Variants in CSMD1 observed in about 807,000 individuals in gnomAD.
The protein encoded by CSMD1 is CUB and sushi domain-containing protein 1.
A neutral mutation model predicts 417.5 loss-of-function variants in CSMD1; 213 were observed. That is an observed-to-expected ratio of 0.51 (90% confidence interval 0.46 to 0.57). CSMD1 has a LOEUF of 0.57. Ranked by LOEUF, CSMD1 falls within the 20% of genes least tolerant of loss-of-function variation. CSMD1 has a pLI of 0.00. For missense variants in CSMD1, 6,923 were observed against 4,529.7 expected (o/e 1.53, Z -15.17); for synonymous variants, 2,862 against 1,736.8 (o/e 1.65, Z -16.11).
At chr8:3,927,227 C>T (rs1563219716) in intron 5 of CSMD1, among the ~76,000 whole-genome samples, 1 of 151,884 alleles carries the variant, frequency 6.6e-6, no homozygotes, top group Admixed American at 6.6e-5. Context: ...TGCTAACCTT[C>T]TTTATATTAT....
At chr8:3,645,148 A>G (rs1057377409) in intron 7 of CSMD1, among the ~76,000 whole-genome samples, 2 of 152,140 alleles carry the variant, frequency 1.3e-5, no homozygotes, top group African/African-American at 2.4e-5. Context: ...GATGAGTAAC[A>G]TAAGATCAAA....
In CSMD1 at chr8:4,442,195, C is replaced by G. The variant is rs976816424; in HGVS notation, c.303-22130G>C. 3.9e-5 allele frequency among the ~76,000 whole-genome samples: 6 copies of G among 152,246 alleles called. No individual in the cohort carries two copies. The East Asian group carries it at 5.8e-4, about 15-fold the overall frequency. ...TGCAGGCAAAGTGACAATCTCCTGA[C>G]AAATCTTTATAGCAGACATGATGTC... On this transcript the variant is annotated intron_variant, in intron 2 of 69. Coordinates refer to ENST00000635120, the MANE Select transcript of CSMD1 (RefSeq NM_033225.6).
intron 6 of CSMD1, among the ~76,000 whole-genome samples, chr8:3,709,680 G>GATTTTTTTTTTTTTTTTTTTTTTTTTT (rs1554518393): frequency 3.0e-5 from 1 of 33,694 alleles, no homozygotes; most frequent in Non-Finnish European, 5.7e-5. Flanking sequence ...GCAGCAGCAT[G>GATTTTTTTTTTTTTTTTTTTTTTTTTT]TTTTTTTTTT....
At chr8:4,245,419 A>G (rs1191310413) in intron 3 of CSMD1, among the ~76,000 whole-genome samples, 1 of 152,118 alleles carries the variant, frequency 6.6e-6, no homozygotes, top group Non-Finnish European at 1.5e-5. Context: ...ATGCAAAGGG[A>G]GGAGGAGGCA....
intron 2 of CSMD1, among the ~76,000 whole-genome samples, chr8:4,462,368 T>C (rs1563201861): frequency 6.6e-6 from 1 of 152,140 alleles, no homozygotes; most frequent in Non-Finnish European, 1.5e-5. Flanking sequence ...TGGAAAAATA[T>C]TTCATGTACA....
chr8:4,076,115 T>C lies in CSMD1; in HGVS notation c.416-44016A>G, dbSNP rs373487957. Among the ~76,000 whole-genome samples, 181 of 152,248 alleles carry C rather than the reference T, an allele frequency of 1.2e-3. 3 individuals carry two copies. Among genetic ancestry groups the C allele is most frequent in the African/African-American group, 4.2e-3 (176 of 41,560 alleles). ...CAGTTCCCATAATCCCCACGTGTCA[T>C]GGGAGGGACCCTGTAGGAGGTAACT... On this transcript the variant is annotated intron_variant, in intron 3 of 69. Transcript: ENST00000635120.
rs759467287 is a variant in CSMD1 at position 3,494,565 on chromosome 8, T to TAGGC, written c.1345-840_1345-839insGCCT. On this transcript the variant is annotated intron_variant, in intron 10 of 69. Coordinates refer to ENST00000635120, the MANE Select transcript of CSMD1 (RefSeq NM_033225.6). Reference sequence around the variant, plus strand: ...ACAGACAGATTAGATGATAGATAGATAGATAGATAGATAGATAGATAGATA... The same window carrying TAGGC: ...ACAGACAGATTAGATGATAGATAGATAGGCAGATAGATAGATAGATAGATAGATA... 5.9e-3 allele frequency among the ~76,000 whole-genome samples: 629 copies of TAGGC among 106,328 alleles called. 6 individuals carry two copies. The highest frequency in any genetic ancestry group is 0.018 in the African/African-American group (517 of 28,140). The allele number at this position is 106,328 out of a possible 152,430, so 69.8% of individuals were successfully genotyped here.
chr8:4,448,546 C>T (rs912255982), intron 2 of CSMD1, among the ~76,000 whole-genome samples: 5 of 152,208 alleles, frequency 3.3e-5, no homozygotes, highest in Admixed American at 2.6e-4. Context: ...ATCATGGGAA[C>T]ATCCTTTGAA....
chr8:4,478,480 CT>C (rs61300720), intron 2 of CSMD1, among the ~76,000 whole-genome samples: 27 of 151,990 alleles, frequency 1.8e-4, no homozygotes, highest in Non-Finnish European at 2.2e-4. Flanking sequence ...TCTTCATTAG[CT>C]TTCCCCCCCA....
intron 5 of CSMD1, among the ~76,000 whole-genome samples, chr8:3,989,754 T>C (rs947826366): frequency 1.3e-5 from 2 of 152,212 alleles, no homozygotes; most frequent in African/African-American, 4.8e-5. Flanking sequence ...GAAACGCTAA[T>C]GTTCTAGGCC....
chr8:4,901,803 T>C (rs1161051815), intron 1 of CSMD1, among the ~76,000 whole-genome samples: 1 of 152,120 alleles, frequency 6.6e-6, no homozygotes, highest in East Asian at 1.9e-4. Context: ...ACAATTGTGA[T>C]TACATATTCT....
intron 3 of CSMD1, among the ~76,000 whole-genome samples, chr8:4,053,025 A>G: frequency 6.6e-6 from 1 of 152,148 alleles, no homozygotes; most frequent in Non-Finnish European, 1.5e-5. Context: ...AGCAAAGGGT[A>G]ACAATTGGTA....
intron 1 of CSMD1, among the ~76,000 whole-genome samples, chr8:4,729,344 G>A (rs1468317232): frequency 6.6e-6 from 1 of 152,300 alleles, no homozygotes; most frequent in South Asian, 2.1e-4. Flanking sequence ...AAATTCTGAA[G>A]ACAGTAACTG....
Position 4,137,468 on chromosome 8 carries a change from G to C in CSMD1, c.416-105369C>G, listed in dbSNP as rs537455373. 5.3e-5 allele frequency among the ~76,000 whole-genome samples: 7 copies of C among 131,782 alleles called. No homozygotes were observed. The South Asian group carries it at 1.8e-3, about 34-fold the overall frequency. The allele number at this position is 131,782 out of a possible 152,430, so 86.5% of individuals were successfully genotyped here. On this transcript the variant is annotated intron_variant, in intron 3 of 69. Coordinates refer to ENST00000635120, the MANE Select transcript of CSMD1 (RefSeq NM_033225.6). The stretch of plus-strand genomic sequence containing the variant: ...GTCAAAATAGAGAGTATTTTAAAAG[G>C]TAATTTTCACTACAGAATATAACAT...
At chr8:3,065,725 T>A (rs1384313965) in intron 49 of CSMD1, among the ~76,000 whole-genome samples, 1 of 152,166 alleles carries the variant, frequency 6.6e-6, no homozygotes, top group African/African-American at 2.4e-5. Flanking sequence ...GGAGATAGCC[T>A]ACAAAGCATC....
intron 4 of CSMD1, among the ~76,000 whole-genome samples, chr8:4,018,613 C>A (rs1796635011): frequency 6.6e-6 from 1 of 152,228 alleles, no homozygotes; most frequent in South Asian, 2.1e-4. Flanking sequence ...TCAGACTATT[C>A]AGGATTCAAG....
intron 3 of CSMD1, among the ~76,000 whole-genome samples, chr8:4,413,120 T>C (rs897352477): frequency 7.9e-5 from 12 of 152,168 alleles, no homozygotes; most frequent in African/African-American, 2.7e-4. Context: ...TTAAGAAAGA[T>C]GGATATATAG....
At chr8:3,281,802 T>G (rs963274830) in intron 26 of CSMD1, among the ~76,000 whole-genome samples, 2 of 152,136 alleles carry the variant, frequency 1.3e-5, no homozygotes, top group Non-Finnish European at 2.9e-5. Context: ...TCCCCACCCA[T>G]GTTGAATTGT....
intron 1 of CSMD1, among the ~76,000 whole-genome samples, chr8:4,639,796 G>A (rs912444129): frequency 3.3e-5 from 5 of 152,122 alleles, no homozygotes; most frequent in Non-Finnish European, 7.4e-5. Flanking sequence ...AAATGCTTGT[G>A]GGAGTTGGCA....
Sources: allele counts gnomAD v4.1 joint callset (sites outside exome capture counted in the v4.1 genomes callset), GRCh38; gene constraint gnomAD v4.1.1; transcripts MANE v1.5; gene names NCBI Gene and HGNC (gene_info 2026-07-23, HGNC 2026-07-21).